BICC1: variants seen among roughly 807,000 people sequenced by gnomAD.
BICC1 encodes the protein protein bicaudal C homolog 1.
BICC1 carries 43 observed loss-of-function variants against 111.0 expected under a neutral mutation model. The ratio of observed to expected loss-of-function variants is 0.39; its 90% CI spans 0.30 to 0.50. The LOEUF (loss-of-function observed/expected upper bound fraction) is 0.50. BICC1 is among the 20% of genes least tolerant of loss of function. BICC1 has a pLI of 0.88. For synonymous variants in BICC1, 467 were observed against 434.4 expected, an observed-to-expected ratio of 1.07 and a Z score of -0.93; for missense variants, 1,091 against 1,203.2, an observed-to-expected ratio of 0.91 and a Z score of 1.38.
chr10:58,785,571 C>G (rs1009168491), intron 4 of BICC1, among the ~76,000 whole-genome samples: 6 of 152,044 alleles, frequency 3.9e-5, no homozygotes, highest in African/African-American at 9.7e-5. Context: ...CTCTCTCTCT[C>G]TCTCTGTAAG....
At chr10:58,539,991 A>G (rs1413562213) in intron 1 of BICC1, among the ~76,000 whole-genome samples, 3 of 151,930 alleles carry the variant, frequency 2.0e-5, no homozygotes, top group Non-Finnish European at 2.9e-5. Flanking sequence ...AAAATTCACA[A>G]ATATGTGGAA....
At chr10:58,699,121 G>A (rs1406328081) in intron 2 of BICC1, among the ~76,000 whole-genome samples, 2 of 152,196 alleles carry the variant, frequency 1.3e-5, no homozygotes, top group South Asian at 2.1e-4. Context: ...CTGGCAATTT[G>A]TTTTCTCTAA....
At chr10:58,598,049 A>C (rs1844882071) in intron 1 of BICC1, among the ~76,000 whole-genome samples, 1 of 152,172 alleles carries the variant, frequency 6.6e-6, no homozygotes, top group African/African-American at 2.4e-5. Context: ...TAAGAATTAC[A>C]AAAGTCTTAT....
chr10:58,781,779 G>T (rs1391874509), intron 3 of BICC1, among the ~76,000 whole-genome samples: 1 of 152,144 alleles, frequency 6.6e-6, no homozygotes, highest in Non-Finnish European at 1.5e-5. Context: ...TTCAGGAATT[G>T]AAATGAATAA....
chr10:58,662,552 T>G (rs1838877269), intron 2 of BICC1, among the ~76,000 whole-genome samples: 2 of 152,070 alleles, frequency 1.3e-5, no homozygotes, highest in Admixed American at 6.6e-5. Context: ...TCTCGAAAGG[T>G]GAAAAAAGTT....
chr10:58,612,842 G>A (rs747929102), intron 1 of BICC1, among the ~76,000 whole-genome samples: 3 of 152,112 alleles, frequency 2.0e-5, no homozygotes, highest in Non-Finnish European at 4.4e-5. Context: ...TAATAGAAAA[G>A]CATTTCAAAA....
chr10:58,731,587 G>T (rs1246200209), intron 3 of BICC1, among the ~76,000 whole-genome samples: 1 of 152,160 alleles, frequency 6.6e-6, no homozygotes, highest in Non-Finnish European at 1.5e-5. Context: ...TTGTCTTGTG[G>T]TTGACAGGCT....
At chr10:58,793,333 A>G in intron 8 of BICC1, 151 bp from the exon 9 acceptor site, 1 of 745,998 alleles carries the variant, frequency 1.3e-6, no homozygotes, top group Non-Finnish European at 2.1e-6. Context: ...CCTGTCCTCT[A>G]AGCTATGTGA....
At chr10:58,591,001 C>A (rs10826201) in intron 1 of BICC1, among the ~76,000 whole-genome samples, 43,161 of 151,994 alleles carry the variant, frequency 0.28, 6,431 homozygotes, top group East Asian at 0.45. Flanking sequence ...CTACTAGTTC[C>A]CCCCTCCCTT....
intron 2 of BICC1, 36 bp downstream of exon 2, chr10:58,620,937 A>T: frequency 1.3e-6 from 2 of 1,588,258 alleles, no homozygotes; most frequent in Non-Finnish European, 1.7e-6. Context: ...GGTGATAAGT[A>T]AGAGGAAATA....
intron 3 of BICC1, among the ~76,000 whole-genome samples, chr10:58,777,208 T>G (rs1042482567): frequency 3.3e-5 from 5 of 151,834 alleles, no homozygotes; most frequent in Non-Finnish European, 7.4e-5. Context: ...CCCCCATAAC[T>G]CTGTTTCTGA....
intron 1 of BICC1, among the ~76,000 whole-genome samples, chr10:58,526,483 G>A (rs1464674996): frequency 6.6e-6 from 1 of 151,904 alleles, no homozygotes; most frequent in East Asian, 1.9e-4. Flanking sequence ...TTGGTGTGCT[G>A]CACCCATTAA....
At chr10:58,792,408 A>G (rs1843210138) in intron 8 of BICC1, among the ~76,000 whole-genome samples, 3 of 152,300 alleles carry the variant, frequency 2.0e-5, no homozygotes, top group Non-Finnish European at 2.9e-5. Flanking sequence ...GGGGTCCTCA[A>G]TCCCCGGGAC....
intron 15 of BICC1, among the ~76,000 whole-genome samples, chr10:58,806,163 G>C (rs767801871): frequency 3.3e-5 from 5 of 152,168 alleles, no homozygotes; most frequent in Admixed American, 2.0e-4. Flanking sequence ...TAAATGAAGA[G>C]GGGATTTTTG....
chr10:58,659,975 T>A (rs188275273), intron 2 of BICC1, among the ~76,000 whole-genome samples: 1 of 152,330 alleles, frequency 6.6e-6, no homozygotes, highest in East Asian at 1.9e-4. Flanking sequence ...GTGGTTCTTA[T>A]AAGGAGGATT....
chr10:58,579,061 T>G (rs1488429934), intron 1 of BICC1, among the ~76,000 whole-genome samples: 1 of 152,170 alleles, frequency 6.6e-6, no homozygotes, highest in Non-Finnish European at 1.5e-5. Context: ...TGTGCCCTGT[T>G]GAGAATTGAT....
At chr10:58,763,086 A>T (rs1231644555) in intron 3 of BICC1, among the ~76,000 whole-genome samples, 1 of 152,202 alleles carries the variant, frequency 6.6e-6, no homozygotes, top group African/African-American at 2.4e-5. Flanking sequence ...TGAATTATTA[A>T]CATACTATGA....
At chr10:58,805,233 CAGTGACCTG>C (rs1422332369) in intron 15 of BICC1, among the ~76,000 whole-genome samples, 1 of 151,810 alleles carries the variant, frequency 6.6e-6, no homozygotes, top group Non-Finnish European at 1.5e-5. Context: ...GTGGAGGTTG[CAGTGACCTG>C]AGATTGCACC....
chr10:58,561,299 G>T (rs906525069), intron 1 of BICC1, among the ~76,000 whole-genome samples: 6 of 151,626 alleles, frequency 4.0e-5, no homozygotes, highest in African/African-American at 1.5e-4. Flanking sequence ...ATTATATAAT[G>T]ACTTTTTTTC....
Sources: allele counts gnomAD v4.1 joint callset (sites outside exome capture counted in the v4.1 genomes callset), GRCh38; gene constraint gnomAD v4.1.1; transcripts MANE v1.5; gene names NCBI Gene and HGNC (gene_info 2026-07-23, HGNC 2026-07-21).